Variants in CAMK4 observed in about 807,000 individuals in gnomAD.
CAMK4 encodes calcium/calmodulin-dependent protein kinase type IV.
CAMK4 carries 22 observed loss-of-function variants against 44.9 expected under a neutral mutation model. The ratio of observed to expected loss-of-function variants is 0.49; its 90% CI spans 0.35 to 0.70. The LOEUF (loss-of-function observed/expected upper bound fraction) is 0.70. Ranked by LOEUF, CAMK4 falls within the 30% of genes least tolerant of loss-of-function variation. The pLI is 0.01. For synonymous variants in CAMK4, 218 were observed against 215.4 expected (o/e 1.01, Z -0.11); for missense variants, 498 against 586.8 (o/e 0.85, Z 1.56).
chr5:111,367,850 A>G (rs1750852818), intron 2 of CAMK4, among the ~76,000 whole-genome samples: 1 of 152,078 alleles, frequency 6.6e-6, no homozygotes, highest in South Asian at 2.1e-4. Flanking sequence ...AGCCTGGTAC[A>G]ATGTCTCTGG....
intron 1 of CAMK4, among the ~76,000 whole-genome samples, chr5:111,299,433 G>A (rs972242223): frequency 2.0e-5 from 3 of 152,100 alleles, no homozygotes; most frequent in African/African-American, 7.2e-5. Flanking sequence ...CACCACCCCC[G>A]CTTGGACCTC....
chr5:111,252,335 A>T (rs1414174454), intron 1 of CAMK4, among the ~76,000 whole-genome samples: 1 of 152,210 alleles, frequency 6.6e-6, no homozygotes, highest in African/African-American at 2.4e-5. Flanking sequence ...GCATAACCAT[A>T]AACCATGGGG....
chr5:111,344,686 G>C (rs1298835997), intron 2 of CAMK4, among the ~76,000 whole-genome samples: 2 of 151,578 alleles, frequency 1.3e-5, no homozygotes, highest in Admixed American at 6.6e-5. Flanking sequence ...AAAAAAGGAA[G>C]GTTTTTGTTT....
intron 1 of CAMK4, among the ~76,000 whole-genome samples, chr5:111,254,986 T>C (rs1749678090): frequency 6.6e-6 from 1 of 151,856 alleles, no homozygotes; most frequent in Non-Finnish European, 1.5e-5. Flanking sequence ...CACAGTGAGC[T>C]CATTGATGAA....
At chr5:111,329,048 C>T (rs1208003350) in intron 1 of CAMK4, among the ~76,000 whole-genome samples, 3 of 151,876 alleles carry the variant, frequency 2.0e-5, no homozygotes, top group Admixed American at 2.0e-4. Context: ...TGGGCTTCAT[C>T]CCTGGGTTGC....
chr5:111,429,118 TAGA>T (rs1753337225), intron 5 of CAMK4, among the ~76,000 whole-genome samples: 1 of 151,592 alleles, frequency 6.6e-6, no homozygotes, highest in Non-Finnish European at 1.5e-5. Flanking sequence ...CTAAACTTAG[TAGA>T]AGAAAAGTAA....
At chr5:111,348,333 G>A (rs1749951227) in intron 2 of CAMK4, among the ~76,000 whole-genome samples, 1 of 152,030 alleles carries the variant, frequency 6.6e-6, no homozygotes, top group Admixed American at 6.6e-5. Context: ...ACAGGTTAAA[G>A]CACCAGCTCT....
chr5:111,311,296 G>A (rs1748192504), intron 1 of CAMK4, among the ~76,000 whole-genome samples: 1 of 152,184 alleles, frequency 6.6e-6, no homozygotes, highest in Non-Finnish European at 1.5e-5. Flanking sequence ...GCTGCCATGT[G>A]GCAGTCACCA....
In CAMK4 at chr5:111,339,969, TA is replaced by T. The variant is rs374834708; in HGVS notation, c.162-4054del. Among the ~76,000 whole-genome samples the T allele has an allele frequency of 7.4e-4, 112 of 151,390 alleles. 3 individuals carry two copies. In the South Asian group the frequency reaches 0.019, roughly 25 times the overall value. On this transcript the variant is annotated intron_variant, in intron 1 of 10. Transcript: ENST00000282356. ...TGTTTACATTTATTTCTAAGTATTT[TA>T]TATCTTTATCTATTGTAAATTGAAT... is the stretch of plus-strand genomic sequence containing the variant.
At chr5:111,289,786 G>C (rs73786876) in intron 1 of CAMK4, among the ~76,000 whole-genome samples, 2,624 of 152,270 alleles carry the variant, frequency 0.017, 82 homozygotes, top group African/African-American at 0.06. Context: ...ACCAAAAGAT[G>C]CCCAATGAAT....
At chr5:111,264,697 G>C (rs1051937757) in intron 1 of CAMK4, among the ~76,000 whole-genome samples, 1 of 152,040 alleles carries the variant, frequency 6.6e-6, no homozygotes, top group Non-Finnish European at 1.5e-5. Flanking sequence ...CTGTTGAAAT[G>C]GCTGCAGAGA....
intron 2 of CAMK4, among the ~76,000 whole-genome samples, chr5:111,358,885 A>G (rs1750484803): frequency 6.6e-6 from 1 of 152,092 alleles, no homozygotes; most frequent in Admixed American, 6.6e-5. Flanking sequence ...AGCTCCATCC[A>G]TGTTCCTGCA....
intron 6 of CAMK4, among the ~76,000 whole-genome samples, chr5:111,447,218 T>A (rs1386442337): frequency 6.6e-6 from 1 of 152,198 alleles, no homozygotes; most frequent in Non-Finnish European, 1.5e-5. Context: ...TTGAGTCGCT[T>A]GTTTATATGA....
At chr5:111,311,189 C>G (rs1313893594) in intron 1 of CAMK4, among the ~76,000 whole-genome samples, 1 of 152,068 alleles carries the variant, frequency 6.6e-6, no homozygotes, top group African/African-American at 2.4e-5. Context: ...ATCGGTTTAT[C>G]TGGCATAAGG....
intron 1 of CAMK4, chr5:111,266,038 A>G (rs1188604428): frequency 6.6e-6 from 1 of 152,208 alleles, no homozygotes; most frequent in Non-Finnish European, 1.5e-5. Context: ...CTTCAGAGAG[A>G]GAAATTTAGA....
chr5:111,321,759 T>G (rs1748672931), intron 1 of CAMK4, among the ~76,000 whole-genome samples: 1 of 152,178 alleles, frequency 6.6e-6, no homozygotes, highest in Admixed American at 6.6e-5. Flanking sequence ...CTCAAAATCC[T>G]TTTCTTCTCC....
intron 2 of CAMK4, among the ~76,000 whole-genome samples, chr5:111,350,483 C>T: frequency 6.6e-6 from 1 of 151,904 alleles, no homozygotes; most frequent in East Asian, 1.9e-4. Context: ...TGTAATGTGG[C>T]ACACAATAAG....
At chr5:111,420,012 G>GA (rs1451493812) in intron 5 of CAMK4, among the ~76,000 whole-genome samples, 2 of 152,020 alleles carry the variant, frequency 1.3e-5, no homozygotes, top group African/African-American at 4.8e-5. Flanking sequence ...GGGTGGCATT[G>GA]AATCTATAAA....
At chr5:111,229,547 T>C (rs1428667069) in intron 1 of CAMK4, among the ~76,000 whole-genome samples, 1 of 152,154 alleles carries the variant, frequency 6.6e-6, no homozygotes, top group Non-Finnish European at 1.5e-5. Context: ...AAGAAACAGA[T>C]TCTCCTTTTT....
Sources: gnomAD v4.1 joint callset for allele counts (sites outside exome capture counted in the v4.1 genomes callset) on GRCh38, gnomAD v4.1.1 for gene constraint, MANE v1.5 for transcripts, NCBI Gene and HGNC (gene_info 2026-07-23, HGNC 2026-07-21) for gene names.